Variants in LINGO2 observed in about 807,000 individuals in gnomAD.
The protein encoded by LINGO2 is leucine rich repeat and Ig domain containing 2, also known as leucine-rich repeat and immunoglobulin-like domain-containing nogo receptor-interacting protein 2.
Under a neutral mutation model 30.6 loss-of-function variants are expected in LINGO2, and 14 were observed. That is an observed-to-expected ratio of 0.46 (90% confidence interval 0.30 to 0.72). LINGO2 has a LOEUF of 0.72. Ranked by LOEUF, LINGO2 falls within the 30% of genes least tolerant of loss-of-function variation. The probability of loss-of-function intolerance (pLI) is 0.07; values close to 1 mark genes in which losing one functional copy is unlikely to be tolerated. For missense variants in LINGO2, 729 were observed against 751.7 expected (o/e 0.97, Z 0.35); for synonymous variants, 317 against 288.5 (o/e 1.10, Z -1.00).
chr9:27,969,451 T>G, intron 5 of LINGO2, among the ~76,000 whole-genome samples: 1 of 152,264 alleles, frequency 6.6e-6, no homozygotes. Context: ...ACTAAATATC[T>G]TTCTATATAA....
chr9:28,252,029 C>G (rs150230272), intron 4 of LINGO2, among the ~76,000 whole-genome samples: 3 of 152,166 alleles, frequency 2.0e-5, no homozygotes, highest in African/African-American at 7.2e-5. Context: ...GCCTCAGTTT[C>G]TCTATTTTCT....
chr9:28,009,349 AAGTG>A (rs1822435146), intron 5 of LINGO2, among the ~76,000 whole-genome samples: 1 of 76,444 alleles, frequency 1.3e-5, no homozygotes, highest in South Asian at 4.4e-4. Flanking sequence ...TCAAAAGCAC[AAGTG>A]ATAAAAAAAA....
chr9:28,959,908 T>C, the LINGO2 span, among the ~76,000 whole-genome samples: 1 of 152,116 alleles, frequency 6.6e-6, no homozygotes. Context: ...TGGGTAAATA[T>C]AGTGTACATC....
chr9:28,150,983 T>C (rs949092373), intron 4 of LINGO2, among the ~76,000 whole-genome samples: 1 of 152,172 alleles, frequency 6.6e-6, no homozygotes, highest in Non-Finnish European at 1.5e-5. Context: ...AAACACACAA[T>C]TGCAAAGCCT....
At chr9:28,446,066 T>C (rs938869568) in intron 2 of LINGO2, among the ~76,000 whole-genome samples, 1 of 152,206 alleles carries the variant, frequency 6.6e-6, no homozygotes, top group Non-Finnish European at 1.5e-5. Context: ...GAAAATACAT[T>C]ATTTTATAAT....
chr9:28,881,277 C>T, the LINGO2 span, among the ~76,000 whole-genome samples: 1 of 152,082 alleles, frequency 6.6e-6, no homozygotes, highest in Non-Finnish European at 1.5e-5. Flanking sequence ...GTATGTCACA[C>T]CACGCCTGGC....
the LINGO2 span, among the ~76,000 whole-genome samples, chr9:29,045,222 A>C: frequency 2.0e-5 from 3 of 152,108 alleles, no homozygotes; most frequent in Admixed American, 2.0e-4. Context: ...AAAGCAGGCA[A>C]TTTACAAGTT....
the LINGO2 span, among the ~76,000 whole-genome samples, chr9:29,192,550 ATAT>A: frequency 0.025 from 3,816 of 152,104 alleles, 155 homozygotes; most frequent in African/African-American, 0.086. Context: ...TTCTAATGAA[ATAT>A]TATTAACATA....
intron 5 of LINGO2, among the ~76,000 whole-genome samples, chr9:27,969,186 T>C (rs1370969985): frequency 1.3e-5 from 2 of 151,936 alleles, no homozygotes; most frequent in African/African-American, 2.4e-5. Flanking sequence ...CATAAAGAAA[T>C]GAATCCTGGA....
the LINGO2 span, among the ~76,000 whole-genome samples, chr9:29,206,617 T>C: frequency 6.6e-6 from 1 of 152,178 alleles, no homozygotes; most frequent in East Asian, 1.9e-4. Context: ...CTGAATTGCC[T>C]GGTGACACAA....
chr9:28,478,440 G>A (rs1045052666), intron 1 of LINGO2, among the ~76,000 whole-genome samples: 2 of 151,950 alleles, frequency 1.3e-5, no homozygotes, highest in African/African-American at 4.8e-5. Flanking sequence ...TTTTCATTCA[G>A]TGAGTCTAGG....
intron 4 of LINGO2, among the ~76,000 whole-genome samples, chr9:28,032,205 TAAAAA>T (rs142688271): frequency 7.0e-6 from 1 of 141,852 alleles, no homozygotes; most frequent in African/African-American, 2.5e-5. Flanking sequence ...ATTCAAGTCT[TAAAAA>T]AAAAATACAA....
the LINGO2 span, among the ~76,000 whole-genome samples, chr9:28,864,052 A>G: frequency 6.6e-6 from 1 of 152,156 alleles, no homozygotes; most frequent in African/African-American, 2.4e-5. Context: ...TAGGGAGTAG[A>G]ATAAATAATA....
the LINGO2 span, among the ~76,000 whole-genome samples, chr9:29,200,423 CA>C: frequency 6.6e-6 from 1 of 151,854 alleles, no homozygotes; most frequent in African/African-American, 2.4e-5. Context: ...TTCAGTGATA[CA>C]GAAAGTATCA....
the LINGO2 span, among the ~76,000 whole-genome samples, chr9:29,020,737 A>G: frequency 2.0e-5 from 3 of 152,116 alleles, no homozygotes; most frequent in Admixed American, 6.6e-5. Flanking sequence ...CATATATGCC[A>G]TTAAGAAAGG....
intron 1 of LINGO2, among the ~76,000 whole-genome samples, chr9:28,505,453 G>A (rs1369114044): frequency 1.3e-5 from 2 of 151,792 alleles, no homozygotes; most frequent in African/African-American, 2.4e-5. Flanking sequence ...TTAAGTTTTG[G>A]AAAGTTGAAA....
intron 1 of LINGO2, among the ~76,000 whole-genome samples, chr9:28,597,446 G>C (rs1468714915): frequency 6.6e-6 from 1 of 152,134 alleles, no homozygotes; most frequent in Non-Finnish European, 1.5e-5. Flanking sequence ...ACATGTGGGG[G>C]TCTCTGCAAA....
chr9:28,977,990 A>T, the LINGO2 span, among the ~76,000 whole-genome samples: 19 of 152,302 alleles, frequency 1.2e-4, no homozygotes, highest in Non-Finnish European at 2.6e-4. Flanking sequence ...GGGAAGCCAG[A>T]ACCACTGGAA....
At chr9:28,476,515 T>A (rs1825735594) in intron 1 of LINGO2, among the ~76,000 whole-genome samples, 2 of 152,130 alleles carry the variant, frequency 1.3e-5, no homozygotes, top group South Asian at 2.1e-4. Context: ...GACCTCGTGA[T>A]CCTCCCGCCG....
Sources: gnomAD v4.1 joint callset for allele counts (sites outside exome capture counted in the v4.1 genomes callset) on GRCh38, gnomAD v4.1.1 for gene constraint, MANE v1.5 for transcripts, NCBI Gene and HGNC (gene_info 2026-07-23, HGNC 2026-07-21) for gene names.